Variants in NEXMIF observed in about 807,000 individuals in gnomAD.
NEXMIF encodes the protein XLMR protein related to neurite extension.
NEXMIF carries 8 observed loss-of-function variants against 62.1 expected under a neutral mutation model. That is an observed-to-expected ratio of 0.13 (90% CI 0.08 to 0.23). The LOEUF (loss-of-function observed/expected upper bound fraction) is 0.23. NEXMIF is among the 10% of genes least tolerant of loss of function. The pLI is 1.00. For synonymous variants in NEXMIF, 404 were observed against 416.6 expected (o/e 0.97, Z 0.37); for missense variants, 976 against 1,113.3 (o/e 0.88, Z 1.75).
chrX:74,830,816 T>G (rs779254838), intron 1 of NEXMIF, among the ~76,000 whole-genome samples: 1 of 112,176 alleles, frequency 8.9e-6, no homozygotes, highest in Admixed American at 9.5e-5. Flanking sequence ...TGGTGGCTAT[T>G]ATGAAAGAGA....
At chrX:74,859,723 T>C (rs187252613) in intron 1 of NEXMIF, among the ~76,000 whole-genome samples, 26 of 111,258 alleles carry the variant, frequency 2.3e-4, no homozygotes, top group Non-Finnish European at 4.7e-4. Context: ...TACAATAAGA[T>C]ATAAATAGAA....
At position 74,825,727 on chromosome X, in the gene NEXMIF, G is replaced by C. The variant is rs756739620; in HGVS notation, c.-47-80030C>G. ...CCACCATCATGTCTGGCTAATTTTTGTATTTTTAGTAGAGATGGTGTTTTG... is the reference window on the plus strand; with the variant it reads ...CCACCATCATGTCTGGCTAATTTTTCTATTTTTAGTAGAGATGGTGTTTTG... On this transcript the variant is annotated intron_variant, in intron 1 of 3. Transcript: ENST00000055682. Among the ~76,000 whole-genome samples the C allele has an allele frequency of 3.6e-5, 4 of 111,931 alleles. No homozygotes were observed. In the South Asian group the frequency reaches 1.5e-3, roughly 42 times the overall value.
At chrX:74,890,958 C>G (rs938174446) in intron 1 of NEXMIF, among the ~76,000 whole-genome samples, 6 of 111,705 alleles carry the variant, frequency 5.4e-5, no homozygotes, top group African/African-American at 6.5e-5. Context: ...TTTCTCAAAA[C>G]AGACCTAGAG....
intron 1 of NEXMIF, among the ~76,000 whole-genome samples, chrX:74,909,951 C>T (rs1163153492): frequency 8.9e-6 from 1 of 112,520 alleles, no homozygotes; most frequent in African/African-American, 3.2e-5. Flanking sequence ...GGAACCTCCA[C>T]CTAGATTTCA....
At chrX:74,826,499 A>G (rs1185031824) in intron 1 of NEXMIF, among the ~76,000 whole-genome samples, 1 of 111,925 alleles carries the variant, frequency 8.9e-6, no homozygotes, top group Non-Finnish European at 1.9e-5. Flanking sequence ...AGTTCCTTAT[A>G]TATTTTGGAT....
chrX:74,834,851 T>G (rs1335876991), intron 1 of NEXMIF, among the ~76,000 whole-genome samples: 1 of 111,783 alleles, frequency 8.9e-6, no homozygotes, highest in Non-Finnish European at 1.9e-5. Flanking sequence ...TTTCCGTAGG[T>G]TTGGGAAGTT....
intron 1 of NEXMIF, among the ~76,000 whole-genome samples, chrX:74,765,630 A>G (rs1602221168): frequency 9.1e-6 from 1 of 109,766 alleles, no homozygotes; most frequent in East Asian, 2.9e-4. Context: ...GTTGTAATAA[A>G]CTTCCTCTGC....
intron 1 of NEXMIF, among the ~76,000 whole-genome samples, chrX:74,823,735 G>GATAC (rs2080405421): frequency 1.8e-5 from 2 of 109,322 alleles, no homozygotes; most frequent in African/African-American, 6.8e-5. Flanking sequence ...TAGATAGATA[G>GATAC]ATAGGGCAAA....
intron 1 of NEXMIF, among the ~76,000 whole-genome samples, chrX:74,914,355 T>C (rs1378279115): frequency 2.7e-5 from 3 of 111,977 alleles, no homozygotes; most frequent in Non-Finnish European, 5.6e-5. Context: ...TGAAAACTTA[T>C]GTTCACACAA....
chrX:74,767,888 G>A (rs1433766714), intron 1 of NEXMIF, among the ~76,000 whole-genome samples: 1 of 112,063 alleles, frequency 8.9e-6, no homozygotes, highest in Non-Finnish European at 1.9e-5. Context: ...GTCTTATCCT[G>A]CAAGGTTCCA....
At chrX:74,784,308 C>A (rs762300074) in intron 1 of NEXMIF, among the ~76,000 whole-genome samples, 1 of 111,698 alleles carries the variant, frequency 9.0e-6, no homozygotes, top group African/African-American at 3.2e-5. Context: ...CGTAGTGAAA[C>A]AATTTGGCTT....
chrX:74,749,160 G>A (rs927597273), intron 1 of NEXMIF, among the ~76,000 whole-genome samples: 1 of 111,148 alleles, frequency 9.0e-6, no homozygotes, highest in Non-Finnish European at 1.9e-5. Flanking sequence ...CCAAATGGAG[G>A]GAAATTACTC....
At chrX:74,914,441 G>A (rs1222037581) in intron 1 of NEXMIF, among the ~76,000 whole-genome samples, 1 of 111,814 alleles carries the variant, frequency 8.9e-6, no homozygotes, top group Non-Finnish European at 1.9e-5. Context: ...CAGAGGCTAA[G>A]GCAGGTGGAT....
Position 74,794,253 on chromosome X carries a change from C to T in NEXMIF, c.-47-48556G>A, listed in dbSNP as rs1289070983. Among the ~76,000 whole-genome samples, 4 of 108,843 alleles carry T rather than the reference C, an allele frequency of 3.7e-5. No homozygotes were observed. In the East Asian group the frequency reaches 8.7e-4, roughly 24 times the overall value. The allele number at this position is 108,843 out of a possible 115,157, so 94.5% of individuals were successfully genotyped here. The stretch of plus-strand genomic sequence containing the variant: ...CCCTGCCGTGTGAGGTGTCAGTCTG[C>T]CCCTGCTGGGGGGTGCCTCCCAGTT... On this transcript the variant is annotated intron_variant, in intron 1 of 3. Coordinates refer to ENST00000055682, the MANE Select transcript of NEXMIF (RefSeq NM_001008537.3).
intron 1 of NEXMIF, among the ~76,000 whole-genome samples, chrX:74,867,296 A>C (rs949375219): frequency 8.9e-6 from 1 of 111,929 alleles, no homozygotes; most frequent in African/African-American, 3.3e-5. Context: ...ATTCGTATGG[A>C]ACCAAAAAAG....
At chrX:74,840,484 T>A (rs939498048) in intron 1 of NEXMIF, among the ~76,000 whole-genome samples, 1 of 111,956 alleles carries the variant, frequency 8.9e-6, no homozygotes, top group Non-Finnish European at 1.9e-5. Context: ...AGCCCTTAAG[T>A]TTAATTAGAT....
chrX:74,850,095 G>A (rs2080507606), intron 1 of NEXMIF, among the ~76,000 whole-genome samples: 1 of 111,864 alleles, frequency 8.9e-6, no homozygotes, highest in South Asian at 3.8e-4. Flanking sequence ...GTCTGAGCAT[G>A]CCACCTGGAG....
At chrX:74,752,527 G>A (rs1205925395) in intron 1 of NEXMIF, among the ~76,000 whole-genome samples, 1 of 110,931 alleles carries the variant, frequency 9.0e-6, no homozygotes, top group Non-Finnish European at 1.9e-5. Flanking sequence ...TCACTCTAAA[G>A]AAATTTTCAA....
At chrX:74,858,894 T>C (rs2080545127) in intron 1 of NEXMIF, among the ~76,000 whole-genome samples, 1 of 109,865 alleles carries the variant, frequency 9.1e-6, no homozygotes, top group South Asian at 3.9e-4. Context: ...ATCAGTCTTT[T>C]AATAGCAGAA....
Sources: gnomAD v4.1 joint callset for allele counts (sites outside exome capture counted in the v4.1 genomes callset) on GRCh38, gnomAD v4.1.1 for gene constraint, MANE v1.5 for transcripts, NCBI Gene and HGNC (gene_info 2026-07-23, HGNC 2026-07-21) for gene names.